DSE: variants seen among roughly 807,000 people sequenced by gnomAD.
The protein encoded by DSE is dermatan sulfate epimerase.
Under a neutral mutation model 84.4 loss-of-function variants are expected in DSE, and 36 were observed. The observed-to-expected ratio is 0.43, with a 90% CI of 0.33 to 0.56. The LOEUF (loss-of-function observed/expected upper bound fraction) is 0.56. Ranked by LOEUF, DSE falls within the 20% of genes least tolerant of loss-of-function variation. DSE has a pLI of 0.06. For missense variants in DSE, 862 were observed against 1,169.6 expected (o/e 0.74, Z 3.84); for synonymous variants, 410 against 430.1 (o/e 0.95, Z 0.58).
chr6:116,439,609 T>C lies in DSE; in HGVS notation c.*2264T>C, dbSNP rs1429771680. ...ATATTTGAGTAAAACTAGGGAACTT[T>C]TTGTAACTTGAAAACAAAGCAATGT... On this transcript the variant is annotated 3_prime_UTR_variant, in exon 6 of 6. Transcript: ENST00000644252. 3 of 152,156 alleles carry C rather than the reference T, an allele frequency of 2.0e-5. No individual in the cohort carries two copies. Among genetic ancestry groups the C allele is most frequent in the Non-Finnish European group, 4.4e-5 (3 of 67,998 alleles). The allele number at this position is 152,156 out of a possible 1,614,324, so 9.4% of individuals were successfully genotyped here.
At chr6:116,365,427 G>A (rs1779109367), upstream of DSE, among the ~76,000 whole-genome samples, 1 of 151,970 alleles carries the variant, frequency 6.6e-6, no homozygotes, top group African/African-American at 2.4e-5. Flanking sequence ...CTAATTTTTT[G>A]TATATTTAGT....
At position 116,437,385 on chromosome 6, in the gene DSE, A is replaced by G. The variant is rs768823885; in HGVS notation, c.*40A>G. 1.3e-6 allele frequency: 2 copies of G among 1,496,778 alleles called. No individual in the cohort carries two copies. Among genetic ancestry groups the G allele is most frequent in the Admixed American group, 4.8e-5 (2 of 41,918 alleles). 92.7% of individuals were successfully genotyped at this position (1,496,778 alleles called of 1,614,324 possible). On this transcript the variant is annotated 3_prime_UTR_variant, in exon 6 of 6. Transcript: ENST00000644252. ...ATTACCTGGTCATTTTGTGATCACA[A>G]GAGTCTATGCAAAAAAAAAAATTTC...
intron 2 of DSE, among the ~76,000 whole-genome samples, chr6:116,345,571 G>T (rs1270702803): frequency 6.6e-6 from 1 of 152,074 alleles, no homozygotes; most frequent in Non-Finnish European, 1.5e-5. Context: ...TGAAACCAAC[G>T]AGAACAAAGA....
intron 2 of DSE, among the ~76,000 whole-genome samples, chr6:116,309,757 G>C (rs1775567908): frequency 6.6e-6 from 1 of 152,158 alleles, no homozygotes; most frequent in African/African-American, 2.4e-5. Context: ...TCTCCTGAAG[G>C]GAGGAATGCT....
intron 2 of DSE, among the ~76,000 whole-genome samples, chr6:116,306,041 T>G (rs1232911105): frequency 6.6e-6 from 1 of 152,164 alleles, no homozygotes; most frequent in African/African-American, 2.4e-5. Context: ...AAAATGTATG[T>G]ATGTACATGT....
chr6:116,410,733 C>CAAAAAAAAAAAAAAAAAAAAAAAAAA (rs765969508), intron 2 of DSE, among the ~76,000 whole-genome samples: 1 of 79,604 alleles, frequency 1.3e-5, no homozygotes, highest in African/African-American at 5.9e-5. Flanking sequence ...GACTCTGTCT[C>CAAAAAAAAAAAAAAAAAAAAAAAAAA]AAAAAAAAAA....
intron 1 of DSE, among the ~76,000 whole-genome samples, chr6:116,379,412 G>GA (rs1226833824): frequency 6.6e-6 from 1 of 152,100 alleles, no homozygotes; most frequent in Non-Finnish European, 1.5e-5. Flanking sequence ...GTTATCTTAG[G>GA]TAAGAATGTC....
intron 2 of DSE, among the ~76,000 whole-genome samples, chr6:116,320,400 A>C (rs1776231603): frequency 6.6e-6 from 1 of 151,814 alleles, no homozygotes; most frequent in Non-Finnish European, 1.5e-5. Context: ...TCAAGAGTCT[A>C]GGATGTATTT....
chr6:116,405,170 G>A (rs1210632859), intron 2 of DSE, among the ~76,000 whole-genome samples: 1 of 152,146 alleles, frequency 6.6e-6, no homozygotes, highest in Non-Finnish European at 1.5e-5. Flanking sequence ...TGAAAATGAG[G>A]AGTGTGCCTG....
intron 2 of DSE, among the ~76,000 whole-genome samples, chr6:116,417,004 C>G (rs1782757451): frequency 6.6e-6 from 1 of 152,032 alleles, no homozygotes; most frequent in Non-Finnish European, 1.5e-5. Context: ...ATTGCCTTTC[C>G]AGGTTTTAAA....
chr6:116,367,400 C>A (rs1226960495), upstream of DSE, among the ~76,000 whole-genome samples: 4 of 152,162 alleles, frequency 2.6e-5, no homozygotes, highest in Middle Eastern at 3.4e-3. Flanking sequence ...AGTCATGGAC[C>A]AGACTGATTA....
intron 2 of DSE, chr6:116,259,225 A>G (rs2114592388): frequency 3.2e-6 from 2 of 615,952 alleles, no homozygotes; most frequent in East Asian, 5.5e-5. Context: ...ATAAAAGGAA[A>G]GTAATTTTTA....
chr6:116,364,675 AAAAGT>A (rs1434787521), intron 2 of DSE, among the ~76,000 whole-genome samples: 3 of 151,910 alleles, frequency 2.0e-5, no homozygotes, highest in African/African-American at 7.3e-5. Flanking sequence ...CATATCCAAC[AAAAGT>A]ATTTAGAAAG....
chr6:116,344,714 A>G (rs1477878555), intron 2 of DSE, among the ~76,000 whole-genome samples: 1 of 152,252 alleles, frequency 6.6e-6, no homozygotes, highest in African/African-American at 2.4e-5. Flanking sequence ...AAACTGCATC[A>G]ACTAATGAGC....
intron 1 of DSE, among the ~76,000 whole-genome samples, chr6:116,390,249 TG>T (rs1295993770): frequency 6.6e-6 from 1 of 151,932 alleles, no homozygotes; most frequent in Admixed American, 6.6e-5. Flanking sequence ...TGTATTTTTT[TG>T]TAGAGACAGG....
At chr6:116,401,624 T>C (rs1012078164) in intron 2 of DSE, among the ~76,000 whole-genome samples, 1 of 152,184 alleles carries the variant, frequency 6.6e-6, no homozygotes, top group Non-Finnish European at 1.5e-5. Flanking sequence ...TTTTAACTTC[T>C]TAAAAACTAC....
chr6:116,386,527 A>G (rs1442412577), intron 1 of DSE, among the ~76,000 whole-genome samples: 1 of 152,252 alleles, frequency 6.6e-6, no homozygotes, highest in African/African-American at 2.4e-5. Context: ...GTTGTACTCA[A>G]AACAACAATG....
intron 2 of DSE, among the ~76,000 whole-genome samples, chr6:116,416,771 G>C (rs1782744509): frequency 6.6e-6 from 1 of 151,778 alleles, no homozygotes; most frequent in African/African-American, 2.4e-5. Context: ...CTAACTGGCA[G>C]TTGTCTGTAT....
Position 116,437,454 on chromosome 6 carries a change from A to C in DSE, c.*109A>C. 1 of 1,043,958 alleles carries C rather than the reference A, an allele frequency of 9.6e-7. No homozygotes were observed. 64.7% of individuals were successfully genotyped at this position (1,043,958 alleles called of 1,614,324 possible). On this transcript the variant is annotated 3_prime_UTR_variant, in exon 6 of 6. Coordinates refer to ENST00000644252, the MANE Select transcript of DSE (RefSeq NM_013352.4). Reference sequence around the variant, plus strand: ...ATTTTTTTCCCTCAGATTCATTTTAACAAATTAAGGGAAGATATTTTGACA... The same window carrying C: ...ATTTTTTTCCCTCAGATTCATTTTACCAAATTAAGGGAAGATATTTTGACA...
Sources: allele counts gnomAD v4.1 joint callset (sites outside exome capture counted in the v4.1 genomes callset), GRCh38; gene constraint gnomAD v4.1.1; transcripts MANE v1.5; gene names NCBI Gene and HGNC (gene_info 2026-07-23, HGNC 2026-07-21).